The following IGSF9B variants were observed in gnomAD, a reference collection of about 807,000 sequenced individuals.
IGSF9B encodes the protein protein turtle homolog B.
In IGSF9B, 48 loss-of-function variants were observed where a neutral mutation model predicts 143.7. The ratio of observed to expected loss-of-function variants is 0.33; its 90% confidence interval spans 0.26 to 0.42. The LOEUF is 0.42. IGSF9B is among the 20% of genes least tolerant of loss of function. The pLI is 1.00. For synonymous variants in IGSF9B, 903 were observed against 833.1 expected (o/e 1.08, Z -1.44); for missense variants, 1,706 against 1,980.0 (o/e 0.86, Z 2.63).
At chr11:133,912,307 C>T (rs1052066405) in intron 18 of IGSF9B, 6 of 542,514 alleles carry the variant, frequency 1.1e-5, no homozygotes, top group African/African-American at 1.9e-5. Context: ...TCCCATGTAA[C>T]GCAAGCTGGG....
In IGSF9B at chr11:133,930,960, G is replaced by A. The variant is rs781014459; in HGVS notation, c.1519+24C>T. ...CCAGCCTGCTCTGTCCCCGCCGCCC[G>A]GCCCAGCCTTGCCGGCCACGTACCG... On this transcript the variant is annotated intron_variant, in intron 11 of 19. Transcript: ENST00000533871. 2.4e-5 allele frequency: 38 copies of A among 1,593,048 alleles called. 1 individual carries two copies. Among genetic ancestry groups the A allele is most frequent in the Admixed American group, 8.6e-5 (5 of 58,324 alleles).
rs1939195705 is a variant in IGSF9B, at chr11:133,905,385, G to C, written c.*3684C>G. 1.3e-5 allele frequency among the ~76,000 whole-genome samples: 2 copies of C among 151,896 alleles called. No homozygotes were observed. The highest frequency in any genetic ancestry group is 1.3e-4 in the Admixed American group (2 of 15,248). ...CCGTGAAATCTGTTTCTCCCTAGAAGCTACTGTTTCGTCAACCTTGTCCCC... is the reference window on the plus strand; with the variant it reads ...CCGTGAAATCTGTTTCTCCCTAGAACCTACTGTTTCGTCAACCTTGTCCCC... On this transcript the variant is annotated 3_prime_UTR_variant, in exon 20 of 20. Transcript: ENST00000533871. This position sits in a 1 kb window ranked among gnomAD's most constrained non-coding sequence, Gnocchi z 4.0.
In IGSF9B at chr11:133,919,732, G is replaced by A; in HGVS notation, c.3983+10C>T. 3 of 1,406,266 alleles carry A rather than the reference G, an allele frequency of 2.1e-6. No individual in the cohort carries two copies. The highest frequency in any genetic ancestry group is 1.8e-5 in the South Asian group (1 of 55,178). 87.1% of individuals were successfully genotyped at this position (1,406,266 alleles called of 1,614,324 possible). A position where few individuals can be genotyped will look rare whatever the true frequency, so the allele number is the denominator to read the frequency against. On this transcript the variant is annotated intron_variant, in intron 18 of 19. Transcript: ENST00000533871. ...CCAGGTGCGGGTGGCGGAAGAGGCG[G>A]CGCACTCACCCTGAAGTAGGTAACG...
intron 3 of IGSF9B, chr11:133,938,171 T>C (rs1171783599): frequency 1.7e-6 from 1 of 576,790 alleles, no homozygotes; most frequent in Non-Finnish European, 3.1e-6. Flanking sequence ...GTCCAAATTC[T>C]GTATTGTAGC....
In IGSF9B at chr11:133,903,857, G is replaced by C. The variant is rs1939175951; in HGVS notation, c.*5212C>G. Among the ~76,000 whole-genome samples the C allele has an allele frequency of 6.6e-6, 1 of 152,194 alleles. No homozygotes were observed. The highest frequency in any genetic ancestry group is 6.5e-5 in the Admixed American group (1 of 15,282). On this transcript the variant is annotated 3_prime_UTR_variant, in exon 20 of 20. Transcript: ENST00000533871. ...GGTGATTGGTACCCCTAGCCAAACA[G>C]CAAGCTGGTAAGAGTGCGAAAGTCC...
chr11:133,918,902 G>T (rs981639042), intron 18 of IGSF9B: 2 of 454,642 alleles, frequency 4.4e-6, no homozygotes, highest in Admixed American at 4.7e-5. Flanking sequence ...GGTGAGGAAG[G>T]AAGATAGGAG....
chr11:133,917,248 A>G (rs894792433), intron 18 of IGSF9B, among the ~76,000 whole-genome samples: 40 of 152,164 alleles, frequency 2.6e-4, no homozygotes, highest in Admixed American at 1.4e-3. Flanking sequence ...GCACCTTGTC[A>G]GGCTACTGTG....
chr11:133,951,450 G>A (rs963612253), intron 1 of IGSF9B, among the ~76,000 whole-genome samples: 3 of 152,256 alleles, frequency 2.0e-5, no homozygotes, highest in Non-Finnish European at 2.9e-5. Context: ...CTGGGGAGGT[G>A]CAAGCTCAGC....
chr11:133,902,029 CCA>C lies in IGSF9B; in HGVS notation c.*7038_*7039del, dbSNP rs1159212035. On this transcript the variant is annotated 3_prime_UTR_variant, in exon 20 of 20. Coordinates refer to ENST00000533871, the MANE Select transcript of IGSF9B (RefSeq NM_001277285.4). ...ACACACCAGACATACACACACCATA[CCA>C]CACACCACACCCACACACAATACAC... 7.1e-6 allele frequency among the ~76,000 whole-genome samples: 1 copy of C among 140,458 alleles called. No individual in the cohort carries two copies. The highest frequency in any genetic ancestry group is 7.0e-5 in the Admixed American group (1 of 14,220). The allele number at this position is 140,458 out of a possible 152,430, so 92.1% of individuals were successfully genotyped here.
Position 133,908,964 on chromosome 11 carries a change from G to A in IGSF9B, c.*105C>T, listed in dbSNP as rs556953986. The A allele has an allele frequency of 5.4e-4, 542 of 1,000,532 alleles. No individual in the cohort carries two copies. The highest frequency in any genetic ancestry group is 7.7e-4 in the Non-Finnish European group (521 of 680,564). The allele number at this position is 1,000,532 out of a possible 1,614,324, so 62.0% of individuals were successfully genotyped here. ...AAAAGAGGGGGCATGCAGGACAAAG[G>A]TCTGGGCCGCCCTTGGCAGACGGAG... On this transcript the variant is annotated 3_prime_UTR_variant, in exon 20 of 20. Transcript: ENST00000533871.
rs764279308 is a variant in IGSF9B, at chr11:133,937,523, A to C, written c.562-30T>G. On this transcript the variant is annotated intron_variant, in intron 4 of 19. Coordinates refer to ENST00000533871, the MANE Select transcript of IGSF9B (RefSeq NM_001277285.4). ...GAGCCCAAAACAGAGGGAGCTCAGC[A>C]CCCACGCTCACACCCACCGCTGCTA... The C allele has an allele frequency of 1.4e-5, 21 of 1,535,246 alleles. No homozygotes were observed. The South Asian group carries it at 2.3e-4, about 16-fold the overall frequency.
At chr11:133,912,160 C>T (rs958615636) in intron 18 of IGSF9B, 153 bp from the exon 19 acceptor site, 16 of 868,366 alleles carry the variant, frequency 1.8e-5, no homozygotes, top group Non-Finnish European at 2.9e-5. Flanking sequence ...TGACACCCGC[C>T]TTTCTATTGC....
chr11:133,939,407 A>G (rs1939881700), intron 3 of IGSF9B, among the ~76,000 whole-genome samples: 1 of 152,124 alleles, frequency 6.6e-6, no homozygotes, highest in Admixed American at 6.5e-5. Context: ...TGTCCCCTTT[A>G]TTAGGATGGT....
Position 133,956,673 on chromosome 11 carries a change from C to T in IGSF9B, c.64+18G>A. On this transcript the variant is annotated intron_variant, in intron 1 of 19. Coordinates refer to ENST00000533871, the MANE Select transcript of IGSF9B (RefSeq NM_001277285.4). ...GGCGCCGGGAGGGGCAGGGGAGGGA[C>T]GCCGCACTTCAACTCACCTTCAGCC... The T allele has an allele frequency of 6.6e-7, 1 of 1,522,836 alleles. No individual in the cohort carries two copies. Among genetic ancestry groups the T allele is most frequent in the Non-Finnish European group, 8.8e-7 (1 of 1,131,552 alleles). The allele number at this position is 1,522,836 out of a possible 1,614,324, so 94.3% of individuals were successfully genotyped here.
chr11:133,908,806 G>GTACATCTC lies in IGSF9B; in HGVS notation c.*262_*263insGAGATGTA. 2.3e-6 allele frequency: 1 copy of GTACATCTC among 428,246 alleles called. No homozygotes were observed. Among genetic ancestry groups the GTACATCTC allele is most frequent in the Non-Finnish European group, 4.2e-6 (1 of 238,302 alleles). The allele number at this position is 428,246 out of a possible 1,614,324, so 26.5% of individuals were successfully genotyped here. ...AGAAAAATCAACCTAGTGAAGCAGG[G>GTACATCTC]GGCGGAGGGGAGGAGACAGGTGTTG... On this transcript the variant is annotated 3_prime_UTR_variant, in exon 20 of 20. Coordinates refer to ENST00000533871, the MANE Select transcript of IGSF9B (RefSeq NM_001277285.4).
rs191104977 is a variant in IGSF9B at position 133,900,982 on chromosome 11, G to A, written c.*8087C>T. On this transcript the variant is annotated 3_prime_UTR_variant, in exon 20 of 20. Transcript: ENST00000533871. ...GCTGTGAAGCCAGGTTTTCTCTGAG[G>A]AACTGGTTACCTTTCCACAGCCACG... 6.6e-6 allele frequency: 1 copy of A among 152,330 alleles called. No homozygotes were observed. The highest frequency in any genetic ancestry group is 1.9e-4 in the East Asian group (1 of 5,184). 9.4% of individuals were successfully genotyped at this position (152,330 alleles called of 1,614,324 possible).
intron 1 of IGSF9B, among the ~76,000 whole-genome samples, chr11:133,951,571 G>C (rs2121349553): frequency 6.6e-6 from 1 of 152,322 alleles, no homozygotes; most frequent in South Asian, 2.1e-4. Flanking sequence ...CTCTCGGCTA[G>C]ATTGTATTTC....
At chr11:133,922,303 G>A (rs1939555158) in intron 16 of IGSF9B, 81 bp from the exon 17 acceptor site, 15 of 1,313,036 alleles carry the variant, frequency 1.1e-5, no homozygotes, top group Admixed American at 3.8e-5. Context: ...GGCTGACAGA[G>A]CCGGAGCACC....
rs181669008 is a variant in IGSF9B at position 133,937,145 on chromosome 11, G to A, written c.679+231C>T. Among the ~76,000 whole-genome samples, 461 of 152,274 alleles carry A rather than the reference G, an allele frequency of 3.0e-3. 2 individuals carry two copies. The highest frequency in any genetic ancestry group is 9.8e-3 in the African/African-American group (406 of 41,552). On this transcript the variant is annotated intron_variant, in intron 5 of 19. Coordinates refer to ENST00000533871, the MANE Select transcript of IGSF9B (RefSeq NM_001277285.4). The stretch of plus-strand genomic sequence containing the variant: ...CACACAGCAGGGGCCTCTCTGCCAC[G>A]CCATGTGGTGCCTGGCCACGGCCTG...
Sources: gnomAD v4.1 joint callset for allele counts (sites outside exome capture counted in the v4.1 genomes callset) on GRCh38, gnomAD v4.1.1 for gene constraint, Gnocchi (gnomAD v3.1) non-coding constraint, MANE v1.5 for transcripts, NCBI Gene and HGNC (gene_info 2026-07-23, HGNC 2026-07-21) for gene names.